The following PEX5L variants were observed in gnomAD, a reference collection of about 807,000 sequenced individuals.
The protein encoded by PEX5L is peroxisomal biogenesis factor 5 like, also known as PEX5-related protein.
In PEX5L, 30 loss-of-function variants were observed where a neutral mutation model predicts 84.0. That is an observed-to-expected ratio of 0.36 (90% CI 0.27 to 0.48). The LOEUF is 0.48. PEX5L is among the 20% of genes least tolerant of loss of function. PEX5L has a pLI of 0.99. For synonymous variants in PEX5L, 270 were observed against 283.1 expected (o/e 0.95, Z 0.46); for missense variants, 533 against 754.6 (o/e 0.71, Z 3.44).
chr3:179,813,724 C>T (rs1238607503), intron 10 of PEX5L, among the ~76,000 whole-genome samples: 1 of 142,536 alleles, frequency 7.0e-6, no homozygotes, highest in Non-Finnish European at 1.5e-5. Flanking sequence ...GGCCGGACTG[C>T]GGATTGCAGT....
rs146906651 is a variant in PEX5L, at chr3:179,874,377, C to A, written c.676G>T (p.Ala226Ser). The change falls in exon 7 of 15, where the codon GCC (alanine) becomes TCC (serine). Residue 226 changes from alanine (A) to serine (S), a missense_variant. Around this residue, in one of 8 missense-constraint regions of PEX5L, gnomAD observed 259 missense variants for 301.7 expected, o/e 0.86. Coordinates refer to ENST00000467460, the MANE Select transcript of PEX5L (RefSeq NM_016559.3). ...SQPELSGGKSALNSESASELE... is the reference protein window; with the variant it reads ...SQPELSGGKSSLNSESASELE... ...TCTGAAGCCGACTCAGAGTTGAGGG[C>A]GCTTTTTCCACCACTCAGTTCTGGT... The A allele has an allele frequency of 8.7e-6, 14 of 1,612,568 alleles. No homozygotes were observed. In the East Asian group the frequency reaches 2.2e-4, roughly 26 times the overall value.
intron 2 of PEX5L, among the ~76,000 whole-genome samples, chr3:179,899,741 C>A (rs1327727235): frequency 1.3e-5 from 2 of 151,916 alleles, no homozygotes; most frequent in Non-Finnish European, 2.9e-5. Flanking sequence ...AAGTTTGTTT[C>A]TTTGTTTTGT....
intron 1 of PEX5L, among the ~76,000 whole-genome samples, chr3:180,024,347 A>AATATATCTATATATATATATAT (rs1790708881): frequency 9.3e-6 from 1 of 107,636 alleles, no homozygotes; most frequent in African/African-American, 3.8e-5. Context: ...GTCCCTACTA[A>AATATATCTATATATATATATAT]ATATATATAT....
intron 8 of PEX5L, among the ~76,000 whole-genome samples, chr3:179,833,843 T>C (rs1734007135): frequency 6.6e-6 from 1 of 152,162 alleles, no homozygotes; most frequent in Non-Finnish European, 1.5e-5. Context: ...TTACAACATT[T>C]ATAAATTTTT....
intron 2 of PEX5L, among the ~76,000 whole-genome samples, chr3:179,954,213 G>T (rs375382877): frequency 0.039 from 4,026 of 103,744 alleles, 97 homozygotes; most frequent in Middle Eastern, 0.12. Flanking sequence ...TCGGGGGGGG[G>T]GGAAAAAGTC....
intron 7 of PEX5L, among the ~76,000 whole-genome samples, chr3:179,866,236 A>G (rs75082967): frequency 0.017 from 2,634 of 152,292 alleles, 71 homozygotes; most frequent in African/African-American, 0.061. Flanking sequence ...CGTTGTTAAT[A>G]GCTTCTCATA....
chr3:179,951,418 T>C (rs1779048776), intron 2 of PEX5L, among the ~76,000 whole-genome samples: 1 of 152,014 alleles, frequency 6.6e-6, no homozygotes. Flanking sequence ...TTCTGGGCAA[T>C]GAAGTATAAG....
rs764249005 is a variant in PEX5L at position 179,819,852 on chromosome 3, T to A, written c.939+8A>T. Reference sequence around the variant, plus strand: ...GTAGTCAGCATGTATAGGAACAGAATTGGTTACCTTCTCACTAGCCGAGAT... The same window carrying A: ...GTAGTCAGCATGTATAGGAACAGAAATGGTTACCTTCTCACTAGCCGAGAT... On this transcript the variant is annotated splice_region_variant and intron_variant, in intron 9 of 14. Coordinates refer to ENST00000467460, the MANE Select transcript of PEX5L (RefSeq NM_016559.3). 1 of 1,613,304 alleles carries A rather than the reference T, an allele frequency of 6.2e-7. No individual in the cohort carries two copies. The highest frequency in any genetic ancestry group is 8.5e-7 in the Non-Finnish European group (1 of 1,179,244).
rs768629793 is a variant in PEX5L at position 179,808,425 on chromosome 3, T to G, written c.1365A>C (p.Glu455Asp). 6.6e-7 allele frequency: 1 copy of G among 1,524,242 alleles called. No individual in the cohort carries two copies. Among genetic ancestry groups the G allele is most frequent in the Non-Finnish European group, 8.8e-7 (1 of 1,138,324 alleles). The allele number at this position is 1,524,242 out of a possible 1,614,324, so 94.4% of individuals were successfully genotyped here. The part of the protein sequence containing the change: ...SKSPVDSSVL[E>D]GVKELYLEAA... ...CTTCCAGATATAATTCCTTCACCCC[T>G]TCCAGAACAGAGCTACAAGAGAAAA... is the stretch of plus-strand genomic sequence containing the variant. Residue 455 changes from glutamate to aspartate, a missense_variant, in exon 13 of 15, where the codon GAA (glutamate) becomes GAC (aspartate). By Grantham distance (45) the Glu-to-Asp change is conservative (BLOSUM62 2). This residue lies in a region of PEX5L where 63 missense variants were observed against 60.2 expected (regional missense o/e 1.05). Transcript: ENST00000467460.
At position 180,036,687 on chromosome 3, in the gene PEX5L, G is replaced by A. The variant is rs1208516942; in HGVS notation, c.-88C>T. 1 of 1,469,284 alleles carries A rather than the reference G, an allele frequency of 6.8e-7. No homozygotes were observed. Among genetic ancestry groups the A allele is most frequent in the Non-Finnish European group, 9.5e-7 (1 of 1,048,354 alleles). The allele number at this position is 1,469,284 out of a possible 1,614,324, so 91.0% of individuals were successfully genotyped here. A position where few individuals can be genotyped will look rare whatever the true frequency, so the allele number is the denominator to read the frequency against. ...CCCACCAAAAGAGGGGAAAAGGTGG[G>A]TGCACAGCGGGTTCTCAGAGGGTGC... On this transcript the variant is annotated 5_prime_UTR_variant, in exon 1 of 15. Coordinates refer to ENST00000467460, the MANE Select transcript of PEX5L (RefSeq NM_016559.3).
intron 1 of PEX5L, among the ~76,000 whole-genome samples, chr3:179,999,936 C>T (rs1215812951): frequency 6.6e-6 from 1 of 152,126 alleles, no homozygotes; most frequent in Non-Finnish European, 1.5e-5. Context: ...ACTTTGCAAG[C>T]CTGGGGCAAA....
At chr3:179,993,817 A>T (rs939402125) in intron 1 of PEX5L, among the ~76,000 whole-genome samples, 2 of 152,126 alleles carry the variant, frequency 1.3e-5, no homozygotes, top group Non-Finnish European at 2.9e-5. Context: ...CATATACTTT[A>T]AATCATCTCT....
chr3:179,806,296 G>C (rs974582826), intron 14 of PEX5L, among the ~76,000 whole-genome samples: 27 of 152,262 alleles, frequency 1.8e-4, no homozygotes, highest in African/African-American at 5.5e-4. Context: ...TGATGTGTAG[G>C]GGGGTGGCAC....
intron 8 of PEX5L, among the ~76,000 whole-genome samples, chr3:179,843,004 C>T (rs1737878052): frequency 6.6e-6 from 1 of 151,750 alleles, no homozygotes; most frequent in Non-Finnish European, 1.5e-5. Context: ...TCTCTTTTCC[C>T]ATCATGGCTT....
chr3:179,872,017 C>G (rs1438515820), intron 7 of PEX5L, among the ~76,000 whole-genome samples: 1 of 152,154 alleles, frequency 6.6e-6, no homozygotes, highest in Non-Finnish European at 1.5e-5. Flanking sequence ...TCTTGAGGAG[C>G]TGGGCTACAG....
intron 14 of PEX5L, among the ~76,000 whole-genome samples, chr3:179,805,242 A>C (rs565950085): frequency 1.3e-5 from 2 of 151,108 alleles, no homozygotes; most frequent in South Asian, 4.2e-4. Context: ...GACCCACAAA[A>C]CTTAGTCGAT....
chr3:179,933,856 A>T (rs1379168876), intron 2 of PEX5L, among the ~76,000 whole-genome samples: 3 of 152,204 alleles, frequency 2.0e-5, no homozygotes, highest in Admixed American at 6.5e-5. Context: ...GGTGGTGCTG[A>T]CCTGCTGGTC....
intron 2 of PEX5L, among the ~76,000 whole-genome samples, chr3:179,956,929 T>A (rs1780725413): frequency 6.6e-6 from 1 of 152,150 alleles, no homozygotes; most frequent in Admixed American, 6.5e-5. Flanking sequence ...CTTCTTTTCC[T>A]CTTTAATTTG....
rs1440230467 is a variant in PEX5L at position 179,800,342 on chromosome 3, G to C, written c.*1486C>G. ...TATTATCAAAGAACATAAATAAAAA[G>C]TTGTTAGGATTAGCTACTGTGGGGA... On this transcript the variant is annotated 3_prime_UTR_variant, in exon 15 of 15. Coordinates refer to ENST00000467460, the MANE Select transcript of PEX5L (RefSeq NM_016559.3). 1 of 152,178 alleles carries C rather than the reference G, an allele frequency of 6.6e-6. No individual in the cohort carries two copies. Among genetic ancestry groups the C allele is most frequent in the Non-Finnish European group, 1.5e-5 (1 of 68,032 alleles). The allele number at this position is 152,178 out of a possible 1,614,324, so 9.4% of individuals were successfully genotyped here.
Sources: gnomAD v4.1 joint callset for allele counts (sites outside exome capture counted in the v4.1 genomes callset) on GRCh38, gnomAD v4.1.1 for gene constraint, gnomAD v4.1.1 regional missense constraint, MANE v1.5 for transcripts, NCBI Gene and HGNC (gene_info 2026-07-23, HGNC 2026-07-21) for gene names.